SCIMP: variants seen among roughly 807,000 people sequenced by gnomAD.
The protein encoded by SCIMP is SLP adaptor and CSK interacting membrane protein.
SCIMP carries 18 observed loss-of-function variants against 22.0 expected under a neutral mutation model. That is an observed-to-expected ratio of 0.82 (90% CI 0.56 to 1.21). The LOEUF is 1.21. Among genes scored for constraint, SCIMP ranks in the 50% most tolerant of loss-of-function variants. The pLI is 0.00. For synonymous variants in SCIMP, 53 were observed against 62.2 expected (o/e 0.85, Z 0.70); for missense variants, 155 against 171.2 (o/e 0.91, Z 0.53).
At chr17:5,214,549 C>G in intron 4 of SCIMP, 1 of 175,340 alleles carries the variant, frequency 5.7e-6, no homozygotes, top group Non-Finnish European at 1.2e-5. Context: ...GAGCGAGACT[C>G]CATCTCAAAA....
At chr17:5,219,570 G>A (rs973130242) in intron 3 of SCIMP, among the ~76,000 whole-genome samples, 18 of 152,142 alleles carry the variant, frequency 1.2e-4, no homozygotes, top group Admixed American at 1.2e-3. Context: ...AGAGGTTGCA[G>A]GGAGCCGAAA....
chr17:5,219,041 C>G (rs962057902), intron 3 of SCIMP, among the ~76,000 whole-genome samples: 1 of 151,904 alleles, frequency 6.6e-6, no homozygotes, highest in East Asian at 1.9e-4. Context: ...TGTCTCCGGC[C>G]GGGCGTGGTG....
intron 1 of SCIMP, among the ~76,000 whole-genome samples, chr17:5,228,341 G>T (rs2074667571): frequency 2.3e-5 from 1 of 42,678 alleles, no homozygotes; most frequent in Non-Finnish European, 4.3e-5. Flanking sequence ...GCCAAATCTT[G>T]TCTCAAAAAA....
At position 5,224,818 on chromosome 17, in the gene SCIMP, GC is replaced by G. The variant is rs559442163; in HGVS notation, c.22-1363del. Among the ~76,000 whole-genome samples the G allele has an allele frequency of 2.0e-4, 30 of 152,244 alleles. No individual in the cohort carries two copies. In the South Asian group the frequency reaches 6.2e-3, roughly 32 times the overall value. ...ATAGCAGGGGAGAGAAATTTTGAGAGCTTTTGTTTGAGTTGAGGGTTAGAAA... is the reference window on the plus strand; with the variant it reads ...ATAGCAGGGGAGAGAAATTTTGAGAGTTTTGTTTGAGTTGAGGGTTAGAAA... On this transcript the variant is annotated intron_variant, in intron 1 of 4. Coordinates refer to ENST00000574081, the MANE Select transcript of SCIMP (RefSeq NM_207103.3).
intron 1 of SCIMP, 169 bp downstream of exon 1, chr17:5,234,566 T>G: frequency 1.5e-6 from 1 of 669,578 alleles, no homozygotes; most frequent in South Asian, 1.8e-5. Flanking sequence ...GATCCTTCAA[T>G]GCAAGTTTTT....
At position 5,215,217 on chromosome 17, in the gene SCIMP, G is replaced by T. The variant is rs1052014071; in HGVS notation, c.210-219C>A. On this transcript the variant is annotated intron_variant, in intron 3 of 4. Transcript: ENST00000574081. Reference sequence around the variant, plus strand: ...TGTAGCCCTGGAAATGGCTGAAAATGAGGGGAGGGAAATAAAGTGCTATAA... The same window carrying T: ...TGTAGCCCTGGAAATGGCTGAAAATTAGGGGAGGGAAATAAAGTGCTATAA... The T allele has an allele frequency of 7.7e-6, 4 of 516,394 alleles. No individual in the cohort carries two copies. The Admixed American group carries it at 1.0e-4, about 13-fold the overall frequency. The allele number at this position is 516,394 out of a possible 1,614,324, so 32.0% of individuals were successfully genotyped here.
intron 3 of SCIMP, among the ~76,000 whole-genome samples, chr17:5,218,466 A>G (rs2074581995): frequency 1.3e-5 from 2 of 152,108 alleles, no homozygotes; most frequent in East Asian, 1.9e-4. Context: ...TAGCCTCCCA[A>G]GTAGCTGGGA....
chr17:5,227,496 G>A (rs1018333121), intron 1 of SCIMP, among the ~76,000 whole-genome samples: 2 of 152,100 alleles, frequency 1.3e-5, no homozygotes, highest in African/African-American at 2.4e-5. Context: ...GATTACAGGC[G>A]TGAGCCACCC....
chr17:5,233,518 G>A (rs2074719035), intron 1 of SCIMP, among the ~76,000 whole-genome samples: 2 of 152,080 alleles, frequency 1.3e-5, no homozygotes, highest in African/African-American at 2.4e-5. Context: ...GGCTATAGGC[G>A]CCCACCACCA....
At chr17:5,215,050 T>A in intron 3 of SCIMP, 52 bp from the exon 4 acceptor site, 1 of 1,112,156 alleles carries the variant, frequency 9.0e-7, no homozygotes, top group Non-Finnish European at 1.4e-6. Context: ...CCATGCCTGC[T>A]CCCAGCCGAT....
In SCIMP at chr17:5,231,973, G is replaced by A. The variant is rs187335138; in HGVS notation, c.21+2762C>T. On this transcript the variant is annotated intron_variant, in intron 1 of 4. Coordinates refer to ENST00000574081, the MANE Select transcript of SCIMP (RefSeq NM_207103.3). ...CGGGAGGCTGAGGCAGGAGAATGGC[G>A]TGAACCCGGGAGGCGGAGCTTGCAG... 8.3e-3 allele frequency among the ~76,000 whole-genome samples: 1,261 copies of A among 152,144 alleles called. 19 individuals carry two copies. The highest frequency in any genetic ancestry group is 0.029 in the African/African-American group (1,186 of 41,520).
At position 5,213,018 on chromosome 17, in the gene SCIMP, G is replaced by A. The variant is rs372682208; in HGVS notation, c.283+1907C>T. The A allele has an allele frequency of 6.6e-5, 33 of 498,882 alleles. 1 individual carries two copies. In the African/African-American group the frequency reaches 6.9e-4, roughly 10 times the overall value. 30.9% of individuals were successfully genotyped at this position (498,882 alleles called of 1,614,324 possible). On this transcript the variant is annotated intron_variant, in intron 4 of 4. Coordinates refer to ENST00000574081, the MANE Select transcript of SCIMP (RefSeq NM_207103.3). ...GGACAGAGAGGGCCTCTTTGAGGTG[G>A]TAACTTCTGAGCTGACATCTGAAGG...
intron 1 of SCIMP, 147 bp from the exon 2 acceptor site, chr17:5,223,603 C>G (rs183840454): frequency 2.8e-6 from 2 of 717,300 alleles, no homozygotes; most frequent in East Asian, 5.6e-5. Context: ...AGTGCAATGA[C>G]GTGATCTCAG....
intron 3 of SCIMP, among the ~76,000 whole-genome samples, chr17:5,220,432 CA>C (rs908309110): frequency 0.1 from 6,684 of 63,742 alleles, 140 homozygotes; most frequent in East Asian, 0.21. Context: ...ACCCCATCTC[CA>C]AAAAAAAAAA....
At chr17:5,234,475 C>G (rs112425043) in intron 1 of SCIMP, 14 of 536,170 alleles carry the variant, frequency 2.6e-5, no homozygotes, top group African/African-American at 2.1e-4. Flanking sequence ...ACTTCTTCAT[C>G]GCCCCTGACA....
intron 3 of SCIMP, 67 bp downstream of exon 3, chr17:5,221,220 G>T: frequency 8.6e-7 from 1 of 1,163,298 alleles, no homozygotes; most frequent in South Asian, 1.2e-5. Flanking sequence ...CGGTAGTGGA[G>T]GGGCAAGGGT....
intron 1 of SCIMP, among the ~76,000 whole-genome samples, chr17:5,232,087 TGA>T (rs1210685090): frequency 6.7e-6 from 1 of 150,318 alleles, no homozygotes; most frequent in African/African-American, 2.4e-5. Context: ...GTCACCTCAG[TGA>T]TTGGCTTACT....
Position 5,231,204 on chromosome 17 carries a change from A to G in SCIMP, c.21+3531T>C, listed in dbSNP as rs578219395. Among the ~76,000 whole-genome samples the G allele has an allele frequency of 4.6e-5, 7 of 152,158 alleles. No homozygotes were observed. In the East Asian group the frequency reaches 1.4e-3, roughly 29 times the overall value. The stretch of plus-strand genomic sequence containing the variant: ...GTGAAACCCCGTCTCTACTAAAAAT[A>G]CAGAAATTAGCCTGGTGTGGTGGCA... On this transcript the variant is annotated intron_variant, in intron 1 of 4. Coordinates refer to ENST00000574081, the MANE Select transcript of SCIMP (RefSeq NM_207103.3).
chr17:5,228,603 C>G (rs1490571678), intron 1 of SCIMP, among the ~76,000 whole-genome samples: 1 of 152,020 alleles, frequency 6.6e-6, no homozygotes, highest in Non-Finnish European at 1.5e-5. Flanking sequence ...CATGAATGTG[C>G]CACTGCACTC....
Sources: allele counts gnomAD v4.1 joint callset (sites outside exome capture counted in the v4.1 genomes callset), GRCh38; gene constraint gnomAD v4.1.1; transcripts MANE v1.5; gene names NCBI Gene and HGNC (gene_info 2026-07-23, HGNC 2026-07-21).